The following MAPK10 variants were observed in gnomAD, a reference collection of about 807,000 sequenced individuals.
The protein encoded by MAPK10 is JNK3 alpha protein kinase.
MAPK10 carries 25 observed loss-of-function variants against 59.3 expected under a neutral mutation model. That is an observed-to-expected ratio of 0.42 (90% CI 0.31 to 0.59). MAPK10 has a LOEUF of 0.59. Among genes scored for constraint, MAPK10 ranks in the 20% least tolerant of loss-of-function variants. MAPK10 has a pLI of 0.15. For synonymous variants in MAPK10, 190 were observed against 200.5 expected (o/e 0.95, Z 0.44); for missense variants, 351 against 568.9 (o/e 0.62, Z 3.90).
rs1561723978 is a variant in MAPK10, at chr4:86,103,105, G to GTGTGTT, written c.425+80_425+81insAACACA. On this transcript the variant is annotated intron_variant, in intron 6 of 13. Coordinates refer to ENST00000641462, the MANE Select transcript of MAPK10 (RefSeq NM_138982.4). ...TGTGTGTGTGTGTGTGTGTGTGTGT[G>GTGTGTT]TGTGTGTGTGTGGTGTGTGATTTTC... 6 of 793,966 alleles carry GTGTGTT rather than the reference G, an allele frequency of 7.6e-6. 1 individual carries two copies. The South Asian group carries it at 8.7e-5, about 12-fold the overall frequency. 49.2% of individuals were successfully genotyped at this position (793,966 alleles called of 1,614,324 possible).
At chr4:86,471,664 G>C (rs1444909450) in intron 1 of MAPK10, among the ~76,000 whole-genome samples, 2 of 152,152 alleles carry the variant, frequency 1.3e-5, no homozygotes, top group African/African-American at 2.4e-5. Flanking sequence ...ATCAAATGAA[G>C]TACATTTGCA....
chr4:86,499,697 A>C (rs1755155053), intron 1 of MAPK10, among the ~76,000 whole-genome samples: 1 of 152,192 alleles, frequency 6.6e-6, no homozygotes, highest in Non-Finnish European at 1.5e-5. Flanking sequence ...ATAGAACTTT[A>C]AGAACTTTAA....
intron 2 of MAPK10, among the ~76,000 whole-genome samples, chr4:86,346,262 C>T (rs1436276211): frequency 1.3e-5 from 2 of 152,100 alleles, no homozygotes; most frequent in African/African-American, 2.4e-5. Flanking sequence ...CCAGGACAAC[C>T]CCGGAGGATA....
chr4:86,575,339 T>C (rs1262076178), intron 1 of MAPK10, among the ~76,000 whole-genome samples: 1 of 152,208 alleles, frequency 6.6e-6, no homozygotes, highest in East Asian at 1.9e-4. Flanking sequence ...ATTATGGATA[T>C]TTGATATCAT....
At chr4:86,314,905 A>G (rs2095748128) in intron 2 of MAPK10, among the ~76,000 whole-genome samples, 1 of 152,172 alleles carries the variant, frequency 6.6e-6, no homozygotes, top group South Asian at 2.1e-4. Flanking sequence ...AAAATTTTCT[A>G]GGTTTTAATG....
rs186519435 is a variant in MAPK10 at position 86,297,620 on chromosome 4, T to C, written c.-7+56910A>G. 1.2e-3 allele frequency among the ~76,000 whole-genome samples: 184 copies of C among 152,244 alleles called. 1 individual carries two copies. Among genetic ancestry groups the C allele is most frequent in the Admixed American group, 1.4e-3 (22 of 15,292 alleles). ...GCCACTGCACCCAGCCTATATAGAG[T>C]TTTATGTCTGTACCCACTTAAATAA... On this transcript the variant is annotated intron_variant, in intron 2 of 13. Transcript: ENST00000641462.
intron 1 of MAPK10, among the ~76,000 whole-genome samples, chr4:86,430,523 C>T (rs114376093): frequency 1.3e-5 from 2 of 151,846 alleles, no homozygotes; most frequent in African/African-American, 4.8e-5. Flanking sequence ...CAGGAGATAC[C>T]GATATTTAAA....
intron 2 of MAPK10, among the ~76,000 whole-genome samples, chr4:86,308,450 G>C (rs2095609848): frequency 6.6e-6 from 1 of 152,110 alleles, no homozygotes; most frequent in African/African-American, 2.4e-5. Flanking sequence ...TTGCTGTCTT[G>C]AAGATTAGAC....
intron 1 of MAPK10, among the ~76,000 whole-genome samples, chr4:86,434,446 G>T (rs560738855): frequency 6.6e-6 from 1 of 152,268 alleles, no homozygotes; most frequent in African/African-American, 2.4e-5. Context: ...CAACTCTGTA[G>T]CATAAAAACA....
At chr4:86,539,172 G>A (rs1758481637) in intron 1 of MAPK10, among the ~76,000 whole-genome samples, 1 of 152,054 alleles carries the variant, frequency 6.6e-6, no homozygotes, top group Non-Finnish European at 1.5e-5. Flanking sequence ...AACAGGATCT[G>A]TCATTCAGAT....
rs568203029 is a variant in MAPK10, at chr4:86,446,652, C to A, written c.-122+6378G>T. Among the ~76,000 whole-genome samples, 5 of 152,184 alleles carry A rather than the reference C, an allele frequency of 3.3e-5. No individual in the cohort carries two copies. In the East Asian group the frequency reaches 7.7e-4, roughly 23 times the overall value. Reference sequence around the variant, plus strand: ...TCTCTGCTAAGCATTATATTTATTCCCCAAAGTGGTTGCGCCAACTTGCAC... The same window carrying A: ...TCTCTGCTAAGCATTATATTTATTCACCAAAGTGGTTGCGCCAACTTGCAC... On this transcript the variant is annotated intron_variant, in intron 1 of 13. Coordinates refer to the MAPK10 transcript ENST00000361569.
chr4:86,339,603 T>C (rs1424895075), intron 2 of MAPK10, among the ~76,000 whole-genome samples: 3 of 152,218 alleles, frequency 2.0e-5, no homozygotes, highest in East Asian at 3.8e-4. Context: ...AATGGATAAA[T>C]GCACAGATTT....
intron 1 of MAPK10, among the ~76,000 whole-genome samples, chr4:86,510,139 T>G (rs989612894): frequency 1.3e-5 from 2 of 152,192 alleles, no homozygotes; most frequent in Non-Finnish European, 2.9e-5. Flanking sequence ...GTGGTTTGTT[T>G]TGAGGTGGGG....
At chr4:86,584,486 C>T (rs562696401) in intron 1 of MAPK10, among the ~76,000 whole-genome samples, 5 of 152,228 alleles carry the variant, frequency 3.3e-5, no homozygotes, top group African/African-American at 9.6e-5. Flanking sequence ...ACTCTGTCAC[C>T]AGGCTGGAGT....
At chr4:86,154,098 T>C (rs1202638551) in intron 4 of MAPK10, among the ~76,000 whole-genome samples, 1 of 152,114 alleles carries the variant, frequency 6.6e-6, no homozygotes, top group Non-Finnish European at 1.5e-5. Flanking sequence ...TGAGTAATGT[T>C]TGCAGAAACA....
intron 1 of MAPK10, among the ~76,000 whole-genome samples, chr4:86,580,023 G>A (rs901067888): frequency 1.3e-5 from 2 of 151,916 alleles, no homozygotes; most frequent in African/African-American, 4.8e-5. Context: ...GTGTTGCCCA[G>A]GTTGCTCTTG....
At chr4:86,440,503 T>C (rs1260377493) in intron 1 of MAPK10, among the ~76,000 whole-genome samples, 2 of 151,922 alleles carry the variant, frequency 1.3e-5, no homozygotes, top group Non-Finnish European at 2.9e-5. Context: ...TGGTGGCACA[T>C]GCCTGTAGTC....
intron 2 of MAPK10, among the ~76,000 whole-genome samples, chr4:86,338,237 T>C (rs1034173798): frequency 1.3e-5 from 2 of 152,112 alleles, no homozygotes; most frequent in African/African-American, 2.4e-5. Context: ...CATTCCTAAG[T>C]ACTAATAAAG....
At chr4:86,473,512 A>G (rs899530683) in intron 1 of MAPK10, among the ~76,000 whole-genome samples, 3 of 152,210 alleles carry the variant, frequency 2.0e-5, no homozygotes, top group African/African-American at 4.8e-5. Context: ...AATTGGAAAG[A>G]GATTAGGAAA....
Sources: gnomAD v4.1 joint callset for allele counts (sites outside exome capture counted in the v4.1 genomes callset) on GRCh38, gnomAD v4.1.1 for gene constraint, MANE v1.5 for transcripts, NCBI Gene and HGNC (gene_info 2026-07-23, HGNC 2026-07-21) for gene names.